The following CENPL variants were observed in gnomAD, a reference collection of about 807,000 sequenced individuals.
CENPL encodes centromere protein L.
A neutral mutation model predicts 35.2 loss-of-function variants in CENPL; 20 were observed. That is an observed-to-expected ratio of 0.57 (90% CI 0.40 to 0.83). The LOEUF is 0.83. CENPL is among the 40% of genes least tolerant of loss of function. The probability of loss-of-function intolerance (pLI) is 0.00; values close to 1 mark genes in which losing one functional copy is unlikely to be tolerated. For synonymous variants in CENPL, 140 were observed against 140.6 expected, an observed-to-expected ratio of 1.00 and a Z score of 0.03; for missense variants, 363 against 395.8, an observed-to-expected ratio of 0.92 and a Z score of 0.70.
At chr1:173,818,233 A>G (rs952080238) in intron 2 of CENPL, among the ~76,000 whole-genome samples, 1 of 152,206 alleles carries the variant, frequency 6.6e-6, no homozygotes, top group Non-Finnish European at 1.5e-5. Flanking sequence ...CTTAGCCACA[A>G]CTAAGAGTTC....
At position 173,803,287 on chromosome 1, in the gene CENPL, G is replaced by C. The variant is rs1354079523; in HGVS notation, c.639C>G (p.Ile213Met). 1 of 1,613,198 alleles carries C rather than the reference G, an allele frequency of 6.2e-7. No individual in the cohort carries two copies. The highest frequency in any genetic ancestry group is 8.5e-7 in the Non-Finnish European group (1 of 1,179,152). Residue 213 changes from isoleucine to methionine, a missense_variant, in exon 5 of 6, where the codon ATC (isoleucine) becomes ATG (methionine). Ile to Met is a conservative substitution (Grantham distance 10, BLOSUM62 1). Transcript: ENST00000682279. ...CCATCCAGGAAAGATTAAATGCATT[G>C]ATTGCTAAAGGACTGAAATAACAGT... ...TFDCYFSPLA[I>M]NAFNLSWMAA... is the part of the protein sequence containing the mutation.
rs147491985 is a variant in CENPL, at chr1:173,813,893, C to G, written c.-7-2587G>C. Among the ~76,000 whole-genome samples, 6 of 152,102 alleles carry G rather than the reference C, an allele frequency of 3.9e-5. No homozygotes were observed. The South Asian group carries it at 8.3e-4, about 21-fold the overall frequency. On this transcript the variant is annotated intron_variant, in intron 2 of 5. Coordinates refer to ENST00000682279, the MANE Select transcript of CENPL (RefSeq NM_001387287.1). The stretch of plus-strand genomic sequence containing the variant: ...GACACAGACCGGCAAATTGGATAAA[C>G]AGTCAAGACCCATCAGTGTGCTGTA...
At chr1:173,819,746 C>T (rs1386387137) in intron 2 of CENPL, among the ~76,000 whole-genome samples, 2 of 152,060 alleles carry the variant, frequency 1.3e-5, no homozygotes, top group African/African-American at 2.4e-5. Flanking sequence ...GGCTGGAGTG[C>T]AATGGCGCGA....
At chr1:173,805,122 C>A (rs1385342999) in intron 4 of CENPL, among the ~76,000 whole-genome samples, 2 of 152,180 alleles carry the variant, frequency 1.3e-5, no homozygotes, top group African/African-American at 4.8e-5. Context: ...AGATGCTTGA[C>A]TGATAATATG....
chr1:173,814,093 A>T (rs543755715), intron 2 of CENPL, among the ~76,000 whole-genome samples: 2 of 152,332 alleles, frequency 1.3e-5, no homozygotes, highest in Middle Eastern at 6.8e-3. Context: ...CCACTACATA[A>T]CGGTAAAGAG....
intron 2 of CENPL, among the ~76,000 whole-genome samples, chr1:173,813,893 C>T (rs147491985): frequency 1.3e-5 from 2 of 151,984 alleles, no homozygotes; most frequent in Non-Finnish European, 2.9e-5. Context: ...ATTGGATAAA[C>T]AGTCAAGACC....
intron 5 of CENPL, among the ~76,000 whole-genome samples, 163 bp from the exon 6 acceptor site, chr1:173,800,682 T>G (rs1435348890): frequency 6.6e-6 from 1 of 152,202 alleles, no homozygotes; most frequent in African/African-American, 2.4e-5. Flanking sequence ...GCACAGTGAT[T>G]TATCCCTATA....
At chr1:173,812,627 C>T (rs1392630217) in intron 2 of CENPL, among the ~76,000 whole-genome samples, 1 of 152,102 alleles carries the variant, frequency 6.6e-6, no homozygotes, top group Non-Finnish European at 1.5e-5. Flanking sequence ...GGAATAGCAT[C>T]AACATCAACA....
At chr1:173,809,933 AT>A (rs755877134) in intron 3 of CENPL, among the ~76,000 whole-genome samples, 1 of 152,226 alleles carries the variant, frequency 6.6e-6, no homozygotes, top group Non-Finnish European at 1.5e-5. Flanking sequence ...TAGTTCAACC[AT>A]TGTGGAAGAC....
chr1:173,814,562 A>G (rs1031527365), intron 2 of CENPL, among the ~76,000 whole-genome samples: 3 of 152,246 alleles, frequency 2.0e-5, no homozygotes, highest in Non-Finnish European at 2.9e-5. Flanking sequence ...TGGAAACTGA[A>G]CAACCTGCTC....
chr1:173,800,344 T>C lies in CENPL; in HGVS notation c.*104A>G, dbSNP rs1649631480. Reference sequence around the variant, plus strand: ...CCAAAGGCATGGTGGGGAAAACAGATGCAGAGATAGATGCCTATTTCTCCT... The same window carrying C: ...CCAAAGGCATGGTGGGGAAAACAGACGCAGAGATAGATGCCTATTTCTCCT... On this transcript the variant is annotated 3_prime_UTR_variant, in exon 6 of 6. Transcript: ENST00000682279. 5.3e-6 allele frequency: 3 copies of C among 564,076 alleles called. No individual in the cohort carries two copies. The highest frequency in any genetic ancestry group is 3.0e-4 in the Middle Eastern group (1 of 3,298). The allele number at this position is 564,076 out of a possible 1,614,324, so 34.9% of individuals were successfully genotyped here.
Position 173,803,398 on chromosome 1 carries a change from T to G in CENPL, c.528A>C (p.Glu176Asp). The G allele has an allele frequency of 6.2e-7, 1 of 1,614,124 alleles. No individual in the cohort carries two copies. Among genetic ancestry groups the G allele is most frequent in the Non-Finnish European group, 8.5e-7 (1 of 1,179,954 alleles). ...GGAATAAGGGCAGACAGGTGAAATC[T>G]TCTGAAACAGTCTCCAGAAGACTGT... ...FGDSLLETVS[E>D]DFTCLPLFLA... The change falls in exon 5 of 6, where the codon GAA (glutamate) becomes GAC (aspartate). Residue 176 changes from glutamate (E) to aspartate (D), a missense_variant. Physicochemically the swap from Glu to Asp is conservative, Grantham distance 45. Coordinates refer to ENST00000682279, the MANE Select transcript of CENPL (RefSeq NM_001387287.1).
chr1:173,811,080 T>C, intron 3 of CENPL, 52 bp downstream of exon 3: 4 of 1,526,152 alleles, frequency 2.6e-6, no homozygotes, highest in Admixed American at 1.8e-5. Flanking sequence ...AAATGTTTTG[T>C]TCACAGATAT....
chr1:173,822,585 G>C (rs1322191035), intron 2 of CENPL: 1 of 151,844 alleles, frequency 6.6e-6, no homozygotes, highest in African/African-American at 2.4e-5. Context: ...ATCTTTCTTT[G>C]CCAACTACTG....
chr1:173,822,600 CTG>C (rs1298632860), intron 2 of CENPL: 3 of 152,166 alleles, frequency 2.0e-5, no homozygotes, highest in Non-Finnish European at 4.4e-5. Flanking sequence ...CTACTGTACT[CTG>C]TTTTGCTCAG....
At chr1:173,815,065 C>A (rs1479753702) in intron 2 of CENPL, among the ~76,000 whole-genome samples, 1 of 152,120 alleles carries the variant, frequency 6.6e-6, no homozygotes, top group Non-Finnish European at 1.5e-5. Flanking sequence ...CACCTCTATG[C>A]AAATAAACTA....
rs753266757 is a variant in CENPL, at chr1:173,803,367, T to G, written c.559A>C (p.Asn187His). Residue 187 changes from asparagine (N) to histidine (H), a missense_variant, in exon 5 of 6, where the codon AAT (asparagine) becomes CAT (histidine). Transcript: ENST00000682279. ...ATTGCTGTGTTAGACTCTGCTCCAT[T>G]TGCAAGGAATAAGGGCAGACAGGTG... The part of the protein sequence containing the change: ...DFTCLPLFLA[N>H]GAESNTAIIG... 6.8e-6 allele frequency: 11 copies of G among 1,614,122 alleles called. No homozygotes were observed. The highest frequency in any genetic ancestry group is 9.3e-6 in the Non-Finnish European group (11 of 1,179,976).
intron 5 of CENPL, among the ~76,000 whole-genome samples, chr1:173,802,177 T>C (rs929944153): frequency 1.3e-5 from 2 of 152,178 alleles, no homozygotes; most frequent in Admixed American, 1.3e-4. Context: ...TAATATATTT[T>C]AGGAGCCAAT....
intron 4 of CENPL, among the ~76,000 whole-genome samples, chr1:173,804,717 G>C (rs1375186012): frequency 6.6e-6 from 1 of 151,974 alleles, no homozygotes; most frequent in Non-Finnish European, 1.5e-5. Context: ...TTTTGATTTG[G>C]CTCATTGGAC....
Sources: gnomAD v4.1 joint callset for allele counts (sites outside exome capture counted in the v4.1 genomes callset) on GRCh38, gnomAD v4.1.1 for gene constraint, MANE v1.5 for transcripts, NCBI Gene and HGNC (gene_info 2026-07-23, HGNC 2026-07-21) for gene names.